CALN1: variants seen among roughly 807,000 people sequenced by gnomAD.
The protein encoded by CALN1 is calneuron 1.
CALN1 carries 17 observed loss-of-function variants against 30.6 expected under a neutral mutation model. The observed-to-expected ratio is 0.56, with a 90% CI of 0.38 to 0.83. The LOEUF is 0.83. Among genes scored for constraint, CALN1 ranks in the 40% least tolerant of loss-of-function variants. The probability of loss-of-function intolerance (pLI) is 0.00; values close to 1 mark genes in which losing one functional copy is unlikely to be tolerated. For synonymous variants in CALN1, 156 were observed against 131.4 expected (o/e 1.19, Z -1.28); for missense variants, 291 against 354.9 (o/e 0.82, Z 1.45).
chr7:72,033,347 AG>A (rs1439216587), intron 4 of CALN1, among the ~76,000 whole-genome samples: 1 of 152,242 alleles, frequency 6.6e-6, no homozygotes. Flanking sequence ...TGGGCTTCAA[AG>A]GGTAACAAGA....
rs953169176 is a variant in CALN1, at chr7:71,783,138, C to T, written c.*4637G>A. ...TGGAGGGAAGATGGCTATGGTAAGGCCTTTAGGTTACGGACTCTTAGCTCC... is the reference window on the plus strand; with the variant it reads ...TGGAGGGAAGATGGCTATGGTAAGGTCTTTAGGTTACGGACTCTTAGCTCC... On this transcript the variant is annotated 3_prime_UTR_variant, in exon 7 of 7. Transcript: ENST00000395275. 1.3e-5 allele frequency: 2 copies of T among 152,030 alleles called. No individual in the cohort carries two copies. The highest frequency in any genetic ancestry group is 4.8e-5 in the African/African-American group (2 of 41,376). The allele number at this position is 152,030 out of a possible 1,614,324, so 9.4% of individuals were successfully genotyped here.
intron 1 of CALN1, among the ~76,000 whole-genome samples, chr7:72,410,312 A>G (rs1807034869): frequency 6.6e-6 from 1 of 152,234 alleles, no homozygotes; most frequent in Admixed American, 6.5e-5. Flanking sequence ...GTTGGCCATC[A>G]TTTTGAATAT....
chr7:72,389,138 G>C (rs1439233979), intron 2 of CALN1, among the ~76,000 whole-genome samples: 1 of 152,160 alleles, frequency 6.6e-6, no homozygotes, highest in East Asian at 1.9e-4. Context: ...CAGGTGCTCT[G>C]TCCGGTGGGC....
intron 5 of CALN1, among the ~76,000 whole-genome samples, chr7:71,890,169 A>G (rs1285462277): frequency 6.6e-6 from 1 of 152,120 alleles, no homozygotes; most frequent in East Asian, 1.9e-4. Context: ...CAGTGGCACA[A>G]TCATAGCTCT....
At chr7:72,201,478 C>T (rs1189501662) in intron 3 of CALN1, among the ~76,000 whole-genome samples, 1 of 151,844 alleles carries the variant, frequency 6.6e-6, no homozygotes, top group Admixed American at 6.6e-5. Flanking sequence ...ATAATCCCAG[C>T]TACTCGGGAG....
Position 72,107,294 on chromosome 7 carries a change from T to A in CALN1, c.245-1000A>T, listed in dbSNP as rs147706099. 4.2e-3 allele frequency among the ~76,000 whole-genome samples: 645 copies of A among 152,356 alleles called. 5 individuals carry two copies. The highest frequency in any genetic ancestry group is 0.014 in the African/African-American group (587 of 41,576). ...CTGCTGTAGGAGCTGTGCAGAAAGCTCTTCCAGCCTCATAGGAGGAGAAGA... is the reference window on the plus strand; with the variant it reads ...CTGCTGTAGGAGCTGTGCAGAAAGCACTTCCAGCCTCATAGGAGGAGAAGA... On this transcript the variant is annotated intron_variant, in intron 3 of 6. Coordinates refer to ENST00000395275, the MANE Select transcript of CALN1 (RefSeq NM_031468.4).
At chr7:71,815,590 CTGTGGTTTCTGCAGTGTAACTTAG>C (rs1554344718) in intron 5 of CALN1, among the ~76,000 whole-genome samples, 1 of 152,152 alleles carries the variant, frequency 6.6e-6, no homozygotes, top group Non-Finnish European at 1.5e-5. Flanking sequence ...TGCTAAGACT[CTGTGGTTTCTGCAGTGTAACTTAG>C]TCAAGGGTGA....
chr7:72,063,510 G>C (rs1803807830), intron 4 of CALN1, among the ~76,000 whole-genome samples: 1 of 152,194 alleles, frequency 6.6e-6, no homozygotes. Context: ...TGCTGAGCTA[G>C]ATAGAGGCCT....
At chr7:72,157,508 A>G (rs1787782252) in intron 3 of CALN1, among the ~76,000 whole-genome samples, 1 of 152,146 alleles carries the variant, frequency 6.6e-6, no homozygotes, top group African/African-American at 2.4e-5. Context: ...TTTCCACTGA[A>G]ATGTGCTTCC....
intron 5 of CALN1, among the ~76,000 whole-genome samples, chr7:71,958,359 C>T (rs544872401): frequency 1.3e-5 from 2 of 152,162 alleles, no homozygotes; most frequent in East Asian, 3.9e-4. Flanking sequence ...TAGTTTGATC[C>T]ATTCTCTGTC....
intron 2 of CALN1, among the ~76,000 whole-genome samples, chr7:72,338,793 C>T (rs1316561614): frequency 6.6e-6 from 1 of 151,990 alleles, no homozygotes; most frequent in Non-Finnish European, 1.5e-5. Context: ...AACATTCATC[C>T]TTTGAGTTAC....
intron 5 of CALN1, among the ~76,000 whole-genome samples, chr7:71,930,032 A>G (rs746665059): frequency 6.6e-6 from 1 of 152,152 alleles, no homozygotes; most frequent in African/African-American, 2.4e-5. Context: ...ACTTTAAATC[A>G]CCTCTAGATT....
intron 2 of CALN1, chr7:72,336,716 C>CGG: frequency 1.0e-6 from 1 of 985,284 alleles, no homozygotes. Flanking sequence ...CTTGCTGGGC[C>CGG]GGGGCTCCGC....
intron 4 of CALN1, among the ~76,000 whole-genome samples, chr7:72,078,212 G>A (rs1484312747): frequency 1.3e-5 from 2 of 152,132 alleles, no homozygotes; most frequent in Non-Finnish European, 2.9e-5. Context: ...AGCTCCCCAT[G>A]AGAAATGATT....
At chr7:72,230,448 C>A (rs574604038) in intron 3 of CALN1, among the ~76,000 whole-genome samples, 2 of 149,222 alleles carry the variant, frequency 1.3e-5, no homozygotes, top group South Asian at 4.3e-4. Flanking sequence ...GTCAAGGCTG[C>A]AGTGAGTCAT....
intron 3 of CALN1, among the ~76,000 whole-genome samples, chr7:72,163,392 T>TAAAAA (rs55881217): frequency 4.4e-4 from 35 of 79,264 alleles, no homozygotes; most frequent in South Asian, 1.3e-3. Flanking sequence ...TATTGGAGAT[T>TAAAAA]AAAAAAAAAA....
chr7:72,339,547 A>G (rs1274429632), intron 2 of CALN1, among the ~76,000 whole-genome samples: 2 of 152,238 alleles, frequency 1.3e-5, no homozygotes, highest in Admixed American at 1.3e-4. Context: ...AGCTTAAAAC[A>G]ATAGCCAAGG....
At chr7:72,180,615 T>TC (rs1349143264) in intron 3 of CALN1, among the ~76,000 whole-genome samples, 3 of 148,842 alleles carry the variant, frequency 2.0e-5, no homozygotes, top group Admixed American at 6.7e-5. Context: ...TTCTTTTTTT[T>TC]TTTTTTTTTA....
chr7:71,947,719 T>G (rs1478504048), intron 5 of CALN1, among the ~76,000 whole-genome samples: 1 of 152,040 alleles, frequency 6.6e-6, no homozygotes, highest in Non-Finnish European at 1.5e-5. Context: ...GGCAGGTGGA[T>G]CACCTGAGGT....
Sources: gnomAD v4.1 joint callset for allele counts (sites outside exome capture counted in the v4.1 genomes callset) on GRCh38, gnomAD v4.1.1 for gene constraint, MANE v1.5 for transcripts, NCBI Gene and HGNC (gene_info 2026-07-23, HGNC 2026-07-21) for gene names.